The following MORC1 variants were observed in gnomAD, a reference collection of about 807,000 sequenced individuals.
The protein encoded by MORC1 is MORC family CW-type zinc finger protein 1.
Under a neutral mutation model 134.9 loss-of-function variants are expected in MORC1, and 59 were observed. The ratio of observed to expected loss-of-function variants is 0.44; its 90% CI spans 0.35 to 0.54. The LOEUF (loss-of-function observed/expected upper bound fraction) is 0.54. MORC1 is among the 20% of genes least tolerant of loss of function. MORC1 has a pLI of 0.00. For missense variants in MORC1, 947 were observed against 1,134.5 expected, an observed-to-expected ratio of 0.83 and a Z score of 2.37; for synonymous variants, 395 against 391.7, an observed-to-expected ratio of 1.01 and a Z score of -0.10.
At chr3:109,008,581 T>C (rs1040043145) in intron 17 of MORC1, among the ~76,000 whole-genome samples, 1 of 152,008 alleles carries the variant, frequency 6.6e-6, no homozygotes, top group African/African-American at 2.4e-5. Flanking sequence ...CTTGTAATTA[T>C]TGCTTTATTG....
intron 14 of MORC1, among the ~76,000 whole-genome samples, chr3:109,042,096 C>T (rs1314336336): frequency 6.6e-6 from 1 of 152,076 alleles, no homozygotes; most frequent in Non-Finnish European, 1.5e-5. Flanking sequence ...ACTTTATACT[C>T]ATTAGAATCC....
intron 24 of MORC1, among the ~76,000 whole-genome samples, chr3:108,974,406 T>C (rs930630951): frequency 6.6e-6 from 1 of 152,224 alleles, no homozygotes; most frequent in Non-Finnish European, 1.5e-5. Flanking sequence ...CTTTCTTGAA[T>C]GATATTCTTC....
chr3:109,003,262 C>CATATAT (rs60788462), intron 20 of MORC1, among the ~76,000 whole-genome samples: 17,182 of 149,414 alleles, frequency 0.11, 1,032 homozygotes, highest in Non-Finnish European at 0.14. Flanking sequence ...TAAAATTATA[C>CATATAT]ATATATATAT....
intron 6 of MORC1, among the ~76,000 whole-genome samples, chr3:109,098,661 C>A (rs186152226): frequency 6.6e-6 from 1 of 152,312 alleles, no homozygotes; most frequent in Admixed American, 6.5e-5. Context: ...AATCTGGTAA[C>A]AGTAGCCACA....
Position 108,958,562 on chromosome 3 carries a change from G to A in MORC1, c.*403C>T, listed in dbSNP as rs1415152408. On this transcript the variant is annotated 3_prime_UTR_variant, in exon 28 of 28. Transcript: ENST00000232603. ...TTTTTCAATATCTTCAAGAGGAGGTGATTCTGTAGTCCTTCACATATCGAT... is the reference window on the plus strand; with the variant it reads ...TTTTTCAATATCTTCAAGAGGAGGTAATTCTGTAGTCCTTCACATATCGAT... The A allele has an allele frequency of 1.3e-5, 2 of 152,246 alleles. No individual in the cohort carries two copies. The highest frequency in any genetic ancestry group is 1.9e-4 in the East Asian group (1 of 5,200). The allele number at this position is 152,246 out of a possible 1,614,324, so 9.4% of individuals were successfully genotyped here. A position where few individuals can be genotyped will look rare whatever the true frequency, so the allele number is the denominator to read the frequency against.
rs1357502766 is a variant in MORC1 at position 109,032,817 on chromosome 3, G to A, written c.1468C>T (p.Leu490Phe). ...IPFIIQCDLC[L>F]KWRVLPSSTN... The stretch of plus-strand genomic sequence containing the variant: ...GAGGAAGGCAAGACTCTCCATTTAA[G>A]ACAAAGATCTGACAATCAAAACAAA... Residue 490 changes from leucine (L) to phenylalanine (F), a missense_variant, in exon 16 of 28, where the codon CTT (leucine) becomes TTT (phenylalanine). By Grantham distance (22) the Leu-to-Phe change is conservative. This residue lies in a region of MORC1 where 722 missense variants were observed against 817.0 expected (regional missense o/e 0.88). Transcript: ENST00000232603. 6.4e-7 allele frequency: 1 copy of A among 1,572,480 alleles called. No individual in the cohort carries two copies. The highest frequency in any genetic ancestry group is 1.8e-5 in the Admixed American group (1 of 57,074).
chr3:108,991,900 C>T (rs1346698754), intron 21 of MORC1, among the ~76,000 whole-genome samples: 1 of 152,256 alleles, frequency 6.6e-6, no homozygotes, highest in African/African-American at 2.4e-5. Flanking sequence ...AGCTGTACTA[C>T]CTTTCTTTTA....
chr3:108,989,040 T>A (rs1947975600), intron 21 of MORC1, among the ~76,000 whole-genome samples: 1 of 152,220 alleles, frequency 6.6e-6, no homozygotes, highest in African/African-American at 2.4e-5. Context: ...ATTTAAAGCC[T>A]ACAGTATTTT....
At chr3:109,057,963 G>A (rs1441963242) in intron 12 of MORC1, among the ~76,000 whole-genome samples, 1 of 152,128 alleles carries the variant, frequency 6.6e-6, no homozygotes, top group Non-Finnish European at 1.5e-5. Flanking sequence ...AAAATACAAG[G>A]TAAATAAGTT....
chr3:109,001,286 C>A (rs1033472993), intron 20 of MORC1, among the ~76,000 whole-genome samples: 1 of 152,174 alleles, frequency 6.6e-6, no homozygotes, highest in Non-Finnish European at 1.5e-5. Context: ...GTGCCCACCA[C>A]CACGCCTGGG....
intron 9 of MORC1, among the ~76,000 whole-genome samples, chr3:109,065,417 T>A (rs1163497086): frequency 6.6e-6 from 1 of 152,182 alleles, no homozygotes; most frequent in Non-Finnish European, 1.5e-5. Context: ...ATTGCATAAC[T>A]CACTGTGCTA....
intron 17 of MORC1, among the ~76,000 whole-genome samples, chr3:109,011,078 C>T (rs1246579073): frequency 1.3e-5 from 2 of 152,168 alleles, no homozygotes; most frequent in African/African-American, 4.8e-5. Context: ...AACTGCCAAA[C>T]TAGGCTTACT....
chr3:109,117,331 CAAAAAAAAAAA>C lies in MORC1; in HGVS notation c.65+653_65+663del, dbSNP rs202128565. Reference sequence around the variant, plus strand: ...GTAAATCCAAATTACCAAAAGATGTCAAAAAAAAAAAAAAAAAAAAAAGAAACATAAAGAAA... The same window carrying C: ...GTAAATCCAAATTACCAAAAGATGTCAAAAAAAAAAAGAAACATAAAGAAA... On this transcript the variant is annotated intron_variant, in intron 1 of 27. Coordinates refer to ENST00000232603, the MANE Select transcript of MORC1 (RefSeq NM_014429.4). Among the ~76,000 whole-genome samples, 976 of 113,642 alleles carry C rather than the reference CAAAAAAAAAAA, an allele frequency of 8.6e-3. 16 individuals carry two copies. The highest frequency in any genetic ancestry group is 0.031 in the African/African-American group (935 of 29,702). 74.6% of individuals were successfully genotyped at this position (113,642 alleles called of 152,430 possible). A position where few individuals can be genotyped will look rare whatever the true frequency, so the allele number is the denominator to read the frequency against.
intron 14 of MORC1, among the ~76,000 whole-genome samples, chr3:109,035,786 T>C (rs558731455): frequency 1.1e-4 from 16 of 152,186 alleles, no homozygotes; most frequent in Admixed American, 6.5e-5. Context: ...ATTTAAAGCA[T>C]TGTTCTTAAG....
chr3:109,057,243 T>C, intron 13 of MORC1, 100 bp downstream of exon 13: 1 of 1,250,512 alleles, frequency 8.0e-7, no homozygotes, highest in Non-Finnish European at 1.1e-6. Context: ...CTATGACACT[T>C]GCTCCCATTG....
At chr3:109,071,094 TCCTCA>T (rs1950306236) in intron 8 of MORC1, among the ~76,000 whole-genome samples, 1 of 152,164 alleles carries the variant, frequency 6.6e-6, no homozygotes, top group Non-Finnish European at 1.5e-5. Context: ...ATTAAGTATG[TCCTCA>T]CCTGATAAAA....
At chr3:109,116,988 A>T (rs2107815273) in intron 1 of MORC1, among the ~76,000 whole-genome samples, 1 of 152,186 alleles carries the variant, frequency 6.6e-6, no homozygotes, top group African/African-American at 2.4e-5. Context: ...AGGCTGAGGA[A>T]TTTTTCTGAG....
intron 26 of MORC1, among the ~76,000 whole-genome samples, chr3:108,964,014 G>C (rs138495548): frequency 8.8e-4 from 134 of 152,278 alleles, no homozygotes; most frequent in African/African-American, 3.0e-3. Context: ...TGACAGAATG[G>C]CCCACCACTT....
chr3:109,049,206 C>T (rs1029588845), intron 14 of MORC1: 3 of 967,904 alleles, frequency 3.1e-6, no homozygotes, highest in Non-Finnish European at 3.7e-6. Context: ...TAAATTGCAT[C>T]ATATGGAAAA....
Sources: gnomAD v4.1 joint callset for allele counts (sites outside exome capture counted in the v4.1 genomes callset) on GRCh38, gnomAD v4.1.1 for gene constraint, gnomAD v4.1.1 regional missense constraint, MANE v1.5 for transcripts, NCBI Gene and HGNC (gene_info 2026-07-23, HGNC 2026-07-21) for gene names.